The following CTNNA3 variants were observed in gnomAD, a reference collection of about 807,000 sequenced individuals.
CTNNA3 encodes the protein catenin alpha 3, also known as catenin alpha-3.
Under a neutral mutation model 95.7 loss-of-function variants are expected in CTNNA3, and 76 were observed. The observed-to-expected ratio is 0.79, with a 90% CI of 0.66 to 0.96. CTNNA3 has a LOEUF of 0.96. CTNNA3 is among the 40% of genes least tolerant of loss of function. The probability of loss-of-function intolerance (pLI) is 0.00; values close to 1 mark genes in which losing one functional copy is unlikely to be tolerated. For missense variants in CTNNA3, 1,191 were observed against 1,089.8 expected, an observed-to-expected ratio of 1.09 and a Z score of -1.31; for synonymous variants, 431 against 374.4, an observed-to-expected ratio of 1.15 and a Z score of -1.74.
At chr10:66,035,553 G>T (rs7475633) in intron 15 of CTNNA3, among the ~76,000 whole-genome samples, 2 of 150,040 alleles carry the variant, frequency 1.3e-5, no homozygotes, top group Non-Finnish European at 3.0e-5. Flanking sequence ...TTTTTTTGCC[G>T]CTGGCTTTAT....
intron 9 of CTNNA3, among the ~76,000 whole-genome samples, chr10:66,685,321 G>GTATATATATA (rs1564617397): frequency 0.012 from 270 of 21,942 alleles, 6 homozygotes; most frequent in Non-Finnish European, 0.017. Context: ...GTGTGTGTAT[G>GTATATATATA]TGTGTATATA....
intron 10 of CTNNA3, among the ~76,000 whole-genome samples, chr10:66,604,440 G>T (rs886597705): frequency 6.6e-6 from 1 of 152,076 alleles, no homozygotes; most frequent in African/African-American, 2.4e-5. Context: ...TGCTGCAGCC[G>T]ATGAGCGTGC....
chr10:66,194,735 A>C (rs2086863202), intron 13 of CTNNA3, among the ~76,000 whole-genome samples: 1 of 152,192 alleles, frequency 6.6e-6, no homozygotes, highest in African/African-American at 2.4e-5. Context: ...CTCTGTCCTC[A>C]TACAGTGGTC....
intron 10 of CTNNA3, among the ~76,000 whole-genome samples, chr10:66,585,248 G>A (rs1843321223): frequency 6.6e-6 from 1 of 151,956 alleles, no homozygotes; most frequent in Non-Finnish European, 1.5e-5. Context: ...GTCCAGGGAA[G>A]TTTTCCTCCC....
At chr10:66,948,373 G>A (rs1848379422) in intron 7 of CTNNA3, among the ~76,000 whole-genome samples, 2 of 152,136 alleles carry the variant, frequency 1.3e-5, no homozygotes, top group Non-Finnish European at 2.9e-5. Context: ...AGAATGTCTA[G>A]GAAATATCTA....
chr10:66,386,024 G>A (rs775566536), intron 11 of CTNNA3, among the ~76,000 whole-genome samples: 3 of 152,044 alleles, frequency 2.0e-5, no homozygotes, highest in Non-Finnish European at 2.9e-5. Flanking sequence ...ATTCCCTTTG[G>A]AAACTGGCAC....
chr10:67,114,459 A>T (rs1407471976), intron 7 of CTNNA3, among the ~76,000 whole-genome samples: 1 of 152,136 alleles, frequency 6.6e-6, no homozygotes, highest in Non-Finnish European at 1.5e-5. Flanking sequence ...TTGAATTATT[A>T]ATATTAAAGC....
intron 11 of CTNNA3, among the ~76,000 whole-genome samples, chr10:66,454,307 A>C (rs1268780380): frequency 6.6e-6 from 1 of 152,206 alleles, no homozygotes; most frequent in Non-Finnish European, 1.5e-5. Flanking sequence ...AAAACTGAAA[A>C]GTCTTTTAAA....
chr10:66,057,598 T>C, intron 15 of CTNNA3, among the ~76,000 whole-genome samples: 1 of 152,168 alleles, frequency 6.6e-6, no homozygotes, highest in African/African-American at 2.4e-5. Context: ...CTAAATAGTT[T>C]CTAGTGATTC....
chr10:67,462,389 C>T (rs982040833), intron 5 of CTNNA3, among the ~76,000 whole-genome samples: 1 of 152,330 alleles, frequency 6.6e-6, no homozygotes, highest in African/African-American at 2.4e-5. Flanking sequence ...CTGTTAAAAA[C>T]ACTCACAGTT....
At chr10:67,502,097 TG>T (rs1282380804) in intron 5 of CTNNA3, among the ~76,000 whole-genome samples, 1 of 152,220 alleles carries the variant, frequency 6.6e-6, no homozygotes, top group African/African-American at 2.4e-5. Context: ...CTCATCTTCA[TG>T]GATTTATATA....
chr10:66,810,669 ATAAG>A (rs1447044708), intron 7 of CTNNA3, among the ~76,000 whole-genome samples: 2 of 152,124 alleles, frequency 1.3e-5, no homozygotes, highest in Non-Finnish European at 2.9e-5. Context: ...ATGTTTTCTC[ATAAG>A]TAAGATCTGT....
intron 12 of CTNNA3, among the ~76,000 whole-genome samples, chr10:66,282,553 C>G (rs2091511920): frequency 1.3e-5 from 2 of 151,780 alleles, no homozygotes; most frequent in Non-Finnish European, 3.0e-5. Flanking sequence ...GCCATCTGCT[C>G]TACTATGTAA....
chr10:66,601,598 C>T (rs1843925267), intron 10 of CTNNA3, among the ~76,000 whole-genome samples: 1 of 151,826 alleles, frequency 6.6e-6, no homozygotes, highest in Admixed American at 6.6e-5. Flanking sequence ...TTATACTAAC[C>T]ATCTGTAATG....
At chr10:66,452,028 C>T (rs1346137243) in intron 11 of CTNNA3, among the ~76,000 whole-genome samples, 1 of 152,124 alleles carries the variant, frequency 6.6e-6, no homozygotes, top group Non-Finnish European at 1.5e-5. Context: ...TGAATGGTTC[C>T]CTGGCCAGTT....
At chr10:67,238,779 ATAAAT>A (rs1013036332) in intron 5 of CTNNA3, among the ~76,000 whole-genome samples, 22 of 152,300 alleles carry the variant, frequency 1.4e-4, no homozygotes, top group African/African-American at 5.3e-4. Context: ...TTTGAGTAAA[ATAAAT>A]TATATCTGTT....
At chr10:66,024,085 A>ATTTTTTTTTTTTTTTTTTTTTTTTTTT (rs71474007) in intron 15 of CTNNA3, among the ~76,000 whole-genome samples, 7 of 87,746 alleles carry the variant, frequency 8.0e-5, no homozygotes, top group Non-Finnish European at 1.0e-4. Context: ...TACCATACAC[A>ATTTTTTTTTTTTTTTTTTTTTTTTTTT]TTTTTTTTTT....
chr10:67,620,817 T>C (rs1354539078), intron 2 of CTNNA3, among the ~76,000 whole-genome samples: 1 of 151,730 alleles, frequency 6.6e-6, no homozygotes, highest in African/African-American at 2.4e-5. Flanking sequence ...AAAAAACTCA[T>C]CTGAAAAACC....
chr10:66,997,686 A>C (rs1851432524), intron 7 of CTNNA3, among the ~76,000 whole-genome samples: 1 of 152,158 alleles, frequency 6.6e-6, no homozygotes, highest in African/African-American at 2.4e-5. Context: ...CAAGTTTGTC[A>C]TCTAAATACC....
Sources: allele counts gnomAD v4.1 joint callset (sites outside exome capture counted in the v4.1 genomes callset), GRCh38; gene constraint gnomAD v4.1.1; transcripts MANE v1.5; gene names NCBI Gene and HGNC (gene_info 2026-07-23, HGNC 2026-07-21).